TBC1D30: variants seen among roughly 807,000 people sequenced by gnomAD.
TBC1D30 encodes the protein TBC1 domain family member 30.
In TBC1D30, 31 loss-of-function variants were observed where a neutral mutation model predicts 63.2. The observed-to-expected ratio is 0.49, with a 90% CI of 0.37 to 0.66. The LOEUF (loss-of-function observed/expected upper bound fraction) is 0.66. Among genes scored for constraint, TBC1D30 ranks in the 30% least tolerant of loss-of-function variants. The pLI is 0.00. For missense variants in TBC1D30, 810 were observed against 953.6 expected (o/e 0.85, Z 1.98); for synonymous variants, 307 against 361.5 (o/e 0.85, Z 1.71).
At chr12:64,851,281 A>C (rs1240001004) in intron 8 of TBC1D30, among the ~76,000 whole-genome samples, 2 of 151,710 alleles carry the variant, frequency 1.3e-5, no homozygotes, top group African/African-American at 4.8e-5. Context: ...CTTCAGTTCC[A>C]CTCTGATCCT....
chr12:64,759,568 G>C, exon 1 of TBC1D30: 1 of 447,616 alleles, frequency 2.2e-6, no homozygotes, highest in Non-Finnish European at 4.0e-6. Context: ...AAAGGGCGGA[G>C]AACCGGAGAA....
chr12:64,781,564 G>C (rs1424638313), intron 1 of TBC1D30, among the ~76,000 whole-genome samples: 2 of 152,186 alleles, frequency 1.3e-5, no homozygotes, highest in Admixed American at 6.5e-5. Flanking sequence ...GGCCCCAGGG[G>C]AGAGGCAGCC....
chr12:64,873,796 G>T (rs893012002), intron 11 of TBC1D30, among the ~76,000 whole-genome samples: 3 of 152,210 alleles, frequency 2.0e-5, no homozygotes, highest in South Asian at 2.1e-4. Context: ...GGAGGTGGCA[G>T]GAATGTGGTG....
intron 1 of TBC1D30, among the ~76,000 whole-genome samples, chr12:64,773,550 C>T (rs945176622): frequency 3.3e-5 from 5 of 152,194 alleles, no homozygotes; most frequent in Non-Finnish European, 7.3e-5. Flanking sequence ...GATCTCCCAA[C>T]TGGGGTCTTC....
chr12:64,760,337 G>A (rs1474464690), intron 1 of TBC1D30, among the ~76,000 whole-genome samples: 1 of 152,040 alleles, frequency 6.6e-6, no homozygotes, highest in Non-Finnish European at 1.5e-5. Flanking sequence ...TGGGAGGCGG[G>A]TGGATCACCT....
chr12:64,803,556 G>A (rs1382170585), intron 2 of TBC1D30, among the ~76,000 whole-genome samples: 1 of 152,164 alleles, frequency 6.6e-6, no homozygotes, highest in East Asian at 1.9e-4. Flanking sequence ...TGGTGTTTTA[G>A]ACATGAAGTC....
intron 8 of TBC1D30, among the ~76,000 whole-genome samples, chr12:64,856,241 A>C (rs1592644063): frequency 6.6e-6 from 1 of 152,316 alleles, no homozygotes; most frequent in Non-Finnish European, 1.5e-5. Flanking sequence ...CTCACTTATC[A>C]CCAAGGGAAT....
At chr12:64,852,327 C>T (rs188007257) in intron 8 of TBC1D30, among the ~76,000 whole-genome samples, 1 of 152,008 alleles carries the variant, frequency 6.6e-6, no homozygotes, top group African/African-American at 2.4e-5. Flanking sequence ...TCACAAAGTT[C>T]TTGTGCTGTG....
intron 2 of TBC1D30, among the ~76,000 whole-genome samples, chr12:64,805,913 A>G (rs1365136473): frequency 6.6e-6 from 1 of 152,232 alleles, no homozygotes; most frequent in Admixed American, 6.5e-5. Context: ...GATTAATCCT[A>G]TATCAGAAAA....
chr12:64,785,913 C>T (rs1272617306), exon 2 of TBC1D30: 1 of 1,289,806 alleles, frequency 7.8e-7, no homozygotes, highest in Non-Finnish European at 1.0e-6. Context: ...CCTTCGAGAG[C>T]TAAAGTACAG....
chr12:64,876,622 C>G lies in TBC1D30; in HGVS notation c.*834C>G. 2.8e-6 allele frequency: 1 copy of G among 362,648 alleles called. No individual in the cohort carries two copies. Among genetic ancestry groups the G allele is most frequent in the Non-Finnish European group, 5.5e-6 (1 of 182,362 alleles). The allele number at this position is 362,648 out of a possible 1,614,324, so 22.5% of individuals were successfully genotyped here. On this transcript the variant is annotated 3_prime_UTR_variant, in exon 12 of 12. Transcript: ENST00000539867. ...TCCATGCGGAGCCTGGCCTGCATCCCCCACCACACAGCTCACTCACCCACC... is the reference window on the plus strand; with the variant it reads ...TCCATGCGGAGCCTGGCCTGCATCCGCCACCACACAGCTCACTCACCCACC...
chr12:64,821,498 A>G (rs1873885112), upstream of TBC1D30, among the ~76,000 whole-genome samples: 3 of 152,166 alleles, frequency 2.0e-5, no homozygotes, highest in Non-Finnish European at 4.4e-5. Flanking sequence ...AAACCCTCTA[A>G]GATTTGAGCA....
intron 2 of TBC1D30, among the ~76,000 whole-genome samples, chr12:64,789,170 T>C (rs1169210653): frequency 7.0e-6 from 1 of 143,616 alleles, no homozygotes. Context: ...CCCTTCTTCT[T>C]CCTTCTTCTT....
At chr12:64,761,775 A>T (rs1043519889) in intron 1 of TBC1D30, among the ~76,000 whole-genome samples, 5 of 152,220 alleles carry the variant, frequency 3.3e-5, no homozygotes, top group Non-Finnish European at 7.3e-5. Flanking sequence ...TGGAGTAGCC[A>T]TTCTTTTATT....
rs1308748669 is a variant in TBC1D30, at chr12:64,824,661, C to T, written c.-219C>T. On this transcript the variant is annotated 5_prime_UTR_variant, in exon 1 of 12. Transcript: ENST00000539867. Reference sequence around the variant, plus strand: ...TCTCCTGCCTCAGCCTTGCAGGCTCCGCACTGCAGATGCCTGCTGGCTTCC... The same window carrying T: ...TCTCCTGCCTCAGCCTTGCAGGCTCTGCACTGCAGATGCCTGCTGGCTTCC... The T allele has an allele frequency of 3.4e-5, 18 of 535,740 alleles. No homozygotes were observed. In the Admixed American group the frequency reaches 3.7e-4, roughly 11 times the overall value. 33.2% of individuals were successfully genotyped at this position (535,740 alleles called of 1,614,324 possible). A position where few individuals can be genotyped will look rare whatever the true frequency, so the allele number is the denominator to read the frequency against.
chr12:64,839,541 T>A (rs1215082066), intron 7 of TBC1D30, among the ~76,000 whole-genome samples: 4 of 152,246 alleles, frequency 2.6e-5, no homozygotes, highest in African/African-American at 9.6e-5. Flanking sequence ...GTTTTTACCA[T>A]TTCTCTTCTG....
chr12:64,869,278 T>C (rs1878465881), intron 10 of TBC1D30, among the ~76,000 whole-genome samples: 1 of 152,194 alleles, frequency 6.6e-6, no homozygotes, highest in African/African-American at 2.4e-5. Flanking sequence ...TTGGTTCTTA[T>C]TTGGAAGATA....
At chr12:64,809,629 T>C (rs1247447422) in intron 2 of TBC1D30, among the ~76,000 whole-genome samples, 2 of 152,268 alleles carry the variant, frequency 1.3e-5, no homozygotes, top group African/African-American at 4.8e-5. Flanking sequence ...GAATTCTTTA[T>C]AGCTTGCATT....
intron 1 of TBC1D30, among the ~76,000 whole-genome samples, chr12:64,781,709 T>A (rs1199617586): frequency 6.6e-6 from 1 of 152,022 alleles, no homozygotes; most frequent in Non-Finnish European, 1.5e-5. Flanking sequence ...TTTTTTGTTT[T>A]TTTGTTTTTA....
Sources: gnomAD v4.1 joint callset for allele counts (sites outside exome capture counted in the v4.1 genomes callset) on GRCh38, gnomAD v4.1.1 for gene constraint, MANE v1.5 for transcripts, NCBI Gene and HGNC (gene_info 2026-07-23, HGNC 2026-07-21) for gene names.